PTDSS1: variants seen among roughly 807,000 people sequenced by gnomAD.
The protein encoded by PTDSS1 is phosphatidylserine synthase 1, also known as PSS-1.
Under a neutral mutation model 70.5 loss-of-function variants are expected in PTDSS1, and 45 were observed. The observed-to-expected ratio is 0.64, with a 90% confidence interval of 0.50 to 0.82. PTDSS1 has a LOEUF of 0.82. Ranked by LOEUF, PTDSS1 falls within the 40% of genes least tolerant of loss-of-function variation. The pLI is 0.00. For missense variants in PTDSS1, 417 were observed against 586.1 expected, an observed-to-expected ratio of 0.71 and a Z score of 2.98; for synonymous variants, 188 against 203.8, an observed-to-expected ratio of 0.92 and a Z score of 0.66.
intron 8 of PTDSS1, among the ~76,000 whole-genome samples, chr8:96,308,197 A>T (rs758538793): frequency 6.6e-6 from 1 of 152,202 alleles, no homozygotes; most frequent in East Asian, 1.9e-4. Flanking sequence ...CTTTGAGAAG[A>T]TATTTGAGTG....
intron 3 of PTDSS1, among the ~76,000 whole-genome samples, chr8:96,285,471 C>G (rs1164699147): frequency 6.6e-6 from 1 of 152,098 alleles, no homozygotes; most frequent in Admixed American, 6.5e-5. Flanking sequence ...TGACCTGATT[C>G]CATTTACATT....
At chr8:96,309,926 C>T (rs1048548867) in intron 9 of PTDSS1, among the ~76,000 whole-genome samples, 2 of 151,770 alleles carry the variant, frequency 1.3e-5, no homozygotes, top group Non-Finnish European at 2.9e-5. Context: ...ACTTTGGGAG[C>T]CCGAGGTGGG....
intron 2 of PTDSS1, among the ~76,000 whole-genome samples, chr8:96,278,073 A>C (rs146335234): frequency 6.6e-6 from 1 of 152,130 alleles, no homozygotes; most frequent in Non-Finnish European, 1.5e-5. Context: ...TGGCCTTGAG[A>C]CAGCTCCTGC....
At chr8:96,267,678 G>A (rs1039188634) in intron 1 of PTDSS1, among the ~76,000 whole-genome samples, 3 of 152,144 alleles carry the variant, frequency 2.0e-5, no homozygotes, top group African/African-American at 7.2e-5. Context: ...GGTTGACATC[G>A]GTATTTCAGT....
rs1472642385 is a variant in PTDSS1, at chr8:96,306,572, CCTGA to C, written c.1007+20_1007+23del. On this transcript the variant is annotated intron_variant, in intron 8 of 12. Transcript: ENST00000517309. ...CCACAGTGAGGTAATTCTGCACAAG[CCTGA>C]CTGTCATATGAGAACATTAACTTGC... The C allele has an allele frequency of 6.4e-7, 1 of 1,560,996 alleles. No individual in the cohort carries two copies. The highest frequency in any genetic ancestry group is 1.4e-5 in the African/African-American group (1 of 73,848).
At chr8:96,290,263 G>T (rs1176208089) in intron 4 of PTDSS1, among the ~76,000 whole-genome samples, 1 of 152,222 alleles carries the variant, frequency 6.6e-6, no homozygotes, top group Non-Finnish European at 1.5e-5. Context: ...TACCCCAAGT[G>T]TAATATTTTC....
chr8:96,272,256 G>A (rs1235255340), intron 1 of PTDSS1, among the ~76,000 whole-genome samples: 1 of 150,986 alleles, frequency 6.6e-6, no homozygotes, highest in Non-Finnish European at 1.5e-5. Context: ...TTTGTTTTGA[G>A]GTTCATTTAT....
chr8:96,277,302 G>A (rs899202706), intron 2 of PTDSS1, among the ~76,000 whole-genome samples: 1 of 152,242 alleles, frequency 6.6e-6, no homozygotes, highest in Admixed American at 6.5e-5. Context: ...GGATGGCTTT[G>A]GAAGGTGCTA....
intron 5 of PTDSS1, among the ~76,000 whole-genome samples, chr8:96,299,362 T>C (rs577403186): frequency 3.9e-5 from 6 of 152,310 alleles, no homozygotes; most frequent in Admixed American, 3.3e-4. Flanking sequence ...CTTTTCTCCT[T>C]TTCCCCTCCC....
chr8:96,294,115 T>C (rs899989242), intron 4 of PTDSS1, among the ~76,000 whole-genome samples: 1 of 152,204 alleles, frequency 6.6e-6, no homozygotes, highest in Non-Finnish European at 1.5e-5. Context: ...AAAAATAGAA[T>C]TCTTAAAAAT....
chr8:96,330,088 C>A, intron 10 of PTDSS1, 125 bp from the exon 11 acceptor site: 1 of 866,394 alleles, frequency 1.2e-6, no homozygotes, highest in Non-Finnish European at 1.9e-6. Flanking sequence ...CACGTCCAGC[C>A]GTTTTGTAAC....
At chr8:96,290,802 A>C (rs372602421) in intron 4 of PTDSS1, among the ~76,000 whole-genome samples, 25 of 150,738 alleles carry the variant, frequency 1.7e-4, no homozygotes, top group African/African-American at 6.1e-4. Context: ...CATACATTGA[A>C]ACTCAGACTT....
chr8:96,267,498 A>G (rs1288380143), intron 1 of PTDSS1, among the ~76,000 whole-genome samples: 14 of 152,162 alleles, frequency 9.2e-5, no homozygotes, highest in Non-Finnish European at 5.9e-5. Context: ...CTTTTTAGAC[A>G]AAATCATGGT....
rs76109382 is a variant in PTDSS1 at position 96,307,479 on chromosome 8, A to C, written c.1007+923A>C. Among the ~76,000 whole-genome samples the C allele has an allele frequency of 2.2e-3, 282 of 127,194 alleles. 2 individuals are homozygous for C. Among genetic ancestry groups the C allele is most frequent in the Non-Finnish European group, 3.0e-3 (188 of 62,190 alleles). 83.4% of individuals were successfully genotyped at this position (127,194 alleles called of 152,430 possible). ...AAAAAAAAAAAAAAAAAAAAAAAAA[A>C]CCTCCAGATCCTGGATTCAACAAAT... On this transcript the variant is annotated intron_variant, in intron 8 of 12. Coordinates refer to ENST00000517309, the MANE Select transcript of PTDSS1 (RefSeq NM_014754.3).
intron 10 of PTDSS1, among the ~76,000 whole-genome samples, chr8:96,323,937 C>G (rs1179724101): frequency 2.0e-5 from 3 of 152,222 alleles, no homozygotes; most frequent in African/African-American, 7.2e-5. Context: ...TCTGGAATCT[C>G]ATTGTATGCA....
rs187608793 is a variant in PTDSS1, at chr8:96,310,916, C to T, written c.1073+1294C>T. Among the ~76,000 whole-genome samples, 879 of 152,146 alleles carry T rather than the reference C, an allele frequency of 5.8e-3. 12 individuals are homozygous for T. The highest frequency in any genetic ancestry group is 0.02 in the African/African-American group (833 of 41,492). Reference sequence around the variant, plus strand: ...AAGTAGCTGGGACTACAGGCGCGTGCCACCACACCCAGCTAATTTTTGTAT... The same window carrying T: ...AAGTAGCTGGGACTACAGGCGCGTGTCACCACACCCAGCTAATTTTTGTAT... On this transcript the variant is annotated intron_variant, in intron 9 of 12. Transcript: ENST00000517309.
At chr8:96,309,761 C>G in intron 9 of PTDSS1, 139 bp downstream of exon 9, 1 of 609,008 alleles carries the variant, frequency 1.6e-6, no homozygotes, top group Non-Finnish European at 2.9e-6. Context: ...ATATCTATAT[C>G]TATATCTATA....
intron 6 of PTDSS1, among the ~76,000 whole-genome samples, chr8:96,302,190 C>T (rs1315014476): frequency 1.3e-5 from 2 of 151,990 alleles, no homozygotes; most frequent in African/African-American, 4.8e-5. Flanking sequence ...CACCACCACA[C>T]CCAGCTAATT....
chr8:96,278,979 T>C (rs1810692089), intron 2 of PTDSS1, among the ~76,000 whole-genome samples: 1 of 149,474 alleles, frequency 6.7e-6, no homozygotes, highest in Admixed American at 6.6e-5. Flanking sequence ...CCCCTTTTTT[T>C]TTTTTTTTTT....
Sources: allele counts gnomAD v4.1 joint callset (sites outside exome capture counted in the v4.1 genomes callset), GRCh38; gene constraint gnomAD v4.1.1; transcripts MANE v1.5; gene names NCBI Gene and HGNC (gene_info 2026-07-23, HGNC 2026-07-21).